CFAP96: variants seen among roughly 807,000 people sequenced by gnomAD.
The protein encoded by CFAP96 is cilia-and flagella-associated protein 96.
chr4:185,445,580 C>T, the CFAP96 span: 3 of 1,249,522 alleles, frequency 2.4e-6, no homozygotes, highest in Non-Finnish European at 2.3e-6. Flanking sequence ...ATTAAAAATG[C>T]CAACATAACT....
chr4:185,418,463 T>C, the CFAP96 span: 24 of 1,610,498 alleles, frequency 1.5e-5, no homozygotes, highest in Non-Finnish European at 1.8e-5. Context: ...CTTTTTGTCC[T>C]TCTTTCTCAT....
chr4:185,415,783 C>T, the CFAP96 span: 1 of 1,613,746 alleles, frequency 6.2e-7, no homozygotes, highest in Non-Finnish European at 8.5e-7. Context: ...TAATGGTGTC[C>T]TCCGCTTTCC....
At chr4:185,432,240 G>A in the CFAP96 span, 1 of 1,387,620 alleles carries the variant, frequency 7.2e-7, no homozygotes, top group Non-Finnish European at 9.9e-7. Flanking sequence ...TATACCTCCT[G>A]TACCTTTATC....
chr4:185,436,515 G>C, the CFAP96 span, among the ~76,000 whole-genome samples: 2 of 152,072 alleles, frequency 1.3e-5, no homozygotes, highest in East Asian at 3.9e-4. Flanking sequence ...TTCGAGACCA[G>C]CCTGACCAAC....
the CFAP96 span, among the ~76,000 whole-genome samples, chr4:185,414,644 A>G: frequency 2.9e-3 from 438 of 152,264 alleles, 1 homozygote; most frequent in Middle Eastern, 0.01. Flanking sequence ...GCACTCCAAA[A>G]CCAGTCATGA....
the CFAP96 span, chr4:185,418,835 C>T: frequency 7.7e-7 from 1 of 1,291,680 alleles, no homozygotes; most frequent in Non-Finnish European, 1.0e-6. Context: ...TGGTTCCAAA[C>T]ATACACAAAA....
chr4:185,412,666 G>T, the CFAP96 span, among the ~76,000 whole-genome samples: 1 of 152,132 alleles, frequency 6.6e-6, no homozygotes, highest in Non-Finnish European at 1.5e-5. Flanking sequence ...GATACAGAGG[G>T]TATGAGGTGG....
At chr4:185,431,209 C>CAAAAAAAA in the CFAP96 span, among the ~76,000 whole-genome samples, 1 of 88,592 alleles carries the variant, frequency 1.1e-5, no homozygotes, top group African/African-American at 4.2e-5. Flanking sequence ...GACTCCGTCT[C>CAAAAAAAA]AAAAAAAAAA....
At chr4:185,442,810 TCCCTTC>T in the CFAP96 span, among the ~76,000 whole-genome samples, 1 of 152,180 alleles carries the variant, frequency 6.6e-6, no homozygotes, top group Non-Finnish European at 1.5e-5. Flanking sequence ...ATTTAGACTA[TCCCTTC>T]ACTCCCCACT....
the CFAP96 span, among the ~76,000 whole-genome samples, chr4:185,426,758 G>A: frequency 6.6e-6 from 1 of 151,942 alleles, no homozygotes; most frequent in South Asian, 2.1e-4. Flanking sequence ...CGGGCCGGGC[G>A]CGGTGGCTGA....
At chr4:185,422,299 G>A in the CFAP96 span, among the ~76,000 whole-genome samples, 1 of 152,230 alleles carries the variant, frequency 6.6e-6, no homozygotes, top group African/African-American at 2.4e-5. Context: ...TTGCACAGAG[G>A]TGCGCCATGG....
chr4:185,430,847 A>G, the CFAP96 span, among the ~76,000 whole-genome samples: 3 of 151,320 alleles, frequency 2.0e-5, no homozygotes, highest in Non-Finnish European at 4.4e-5. Flanking sequence ...GCAGTGAGCC[A>G]TGGTCTCACC....
chr4:185,426,003 C>T, the CFAP96 span: 31 of 1,037,660 alleles, frequency 3.0e-5, no homozygotes, highest in Non-Finnish European at 4.2e-5. Flanking sequence ...TGCTCGGCGG[C>T]ATGACGTCAC....
the CFAP96 span, among the ~76,000 whole-genome samples, chr4:185,433,269 C>T: frequency 1.3e-5 from 2 of 151,876 alleles, no homozygotes; most frequent in Non-Finnish European, 2.9e-5. Context: ...GTGGCATGCA[C>T]CTGTAGTCCC....
the CFAP96 span, chr4:185,415,096 A>T: frequency 7.2e-7 from 1 of 1,380,706 alleles, no homozygotes; most frequent in African/African-American, 1.5e-5. Flanking sequence ...TATATAATTA[A>T]ATACAAAATG....
At chr4:185,415,318 T>G in the CFAP96 span, 1 of 1,595,330 alleles carries the variant, frequency 6.3e-7, no homozygotes, top group Admixed American at 1.9e-5. Flanking sequence ...TAGTTGATTA[T>G]GAATTGCATC....
At chr4:185,429,564 A>G in the CFAP96 span, 2 of 964,498 alleles carry the variant, frequency 2.1e-6, no homozygotes, top group East Asian at 3.0e-5. Flanking sequence ...TTCTATATAA[A>G]ATTTAGAATT....
the CFAP96 span, among the ~76,000 whole-genome samples, chr4:185,434,136 C>T: frequency 1.3e-4 from 20 of 152,016 alleles, no homozygotes; most frequent in African/African-American, 4.8e-4. Context: ...GCAGGGAACA[C>T]TTGAGCCGGG....
the CFAP96 span, among the ~76,000 whole-genome samples, chr4:185,419,855 A>G: frequency 6.6e-6 from 1 of 152,248 alleles, no homozygotes; most frequent in Non-Finnish European, 1.5e-5. Context: ...GCTATCATAT[A>G]TATGCTGCCA....
Sources: gnomAD v4.1 joint callset for allele counts (sites outside exome capture counted in the v4.1 genomes callset) on GRCh38, gnomAD v4.1.1 for gene constraint, MANE v1.5 for transcripts, NCBI Gene and HGNC (gene_info 2026-07-23, HGNC 2026-07-21) for gene names.